SMARCAD1: variants seen among roughly 807,000 people sequenced by gnomAD.
SMARCAD1 encodes SNF2 related chromatin remodeling ATPase with DExD box 1, also known as SWI/SNF-related matrix-associated actin-dependent regulator of chromatin subfamily A containing DEAD/H box 1.
In SMARCAD1, 25 loss-of-function variants were observed where a neutral mutation model predicts 127.1. That is an observed-to-expected ratio of 0.20 (90% CI 0.14 to 0.27). The LOEUF (loss-of-function observed/expected upper bound fraction) is 0.27, where lower values mean the gene tolerates loss of function less well. Ranked by LOEUF, SMARCAD1 falls within the 10% of genes least tolerant of loss-of-function variation. The probability of loss-of-function intolerance (pLI) is 1.00; values close to 1 mark genes in which losing one functional copy is unlikely to be tolerated. For missense variants in SMARCAD1, 807 were observed against 1,206.0 expected (o/e 0.67, Z 4.90); for synonymous variants, 400 against 396.9 (o/e 1.01, Z -0.09).
In SMARCAD1 at chr4:94,252,969, A is replaced by G. The variant is rs1749505465; in HGVS notation, c.1243A>G (p.Ile415Val). The change falls in exon 9 of 24, where the codon ATA becomes GTA. Residue 415 changes from isoleucine (I) to valine (V), a missense_variant. Physicochemically the swap from Ile to Val is conservative, Grantham distance 29. Around this residue, in one of 8 missense-constraint regions of SMARCAD1, gnomAD observed 257 missense variants for 303.4 expected, o/e 0.85. Coordinates refer to ENST00000354268, the MANE Select transcript of SMARCAD1 (RefSeq NM_020159.5). ...PQCSQKKAQKITELRPFNSWE... is the reference protein window; with the variant it reads ...PQCSQKKAQKVTELRPFNSWE... ...GTGTTCTCAGAAAAAGGCTCAGAAG[A>G]TAACAGAACTCCGGCCCTTTAATAG... 1 of 1,613,846 alleles carries G rather than the reference A, an allele frequency of 6.2e-7. No individual in the cohort carries two copies. Among genetic ancestry groups the G allele is most frequent in the Non-Finnish European group, 8.5e-7 (1 of 1,180,010 alleles).
At chr4:94,281,399 T>G in intron 20 of SMARCAD1, 73 bp from the exon 21 acceptor site, 1 of 990,162 alleles carries the variant, frequency 1.0e-6, no homozygotes, top group Non-Finnish European at 1.6e-6. Context: ...CACTTCTAAC[T>G]GTTTAAACCT....
chr4:94,241,951 C>A (rs146105981), intron 6 of SMARCAD1, among the ~76,000 whole-genome samples: 3 of 152,290 alleles, frequency 2.0e-5, no homozygotes, highest in African/African-American at 7.2e-5. Flanking sequence ...TAAAAATTTT[C>A]TCTGCCACGT....
chr4:94,259,277 A>G (rs1201958704), intron 9 of SMARCAD1, among the ~76,000 whole-genome samples: 2 of 152,186 alleles, frequency 1.3e-5, no homozygotes, highest in African/African-American at 4.8e-5. Context: ...AGTTCCTCAG[A>G]TTTTTATTTA....
chr4:94,243,472 G>A (rs1011987455), intron 6 of SMARCAD1, among the ~76,000 whole-genome samples: 8 of 152,228 alleles, frequency 5.3e-5, no homozygotes, highest in Admixed American at 6.5e-5. Flanking sequence ...TCACATAACG[G>A]CTCAAGTCTC....
At position 94,291,035 on chromosome 4, in the gene SMARCAD1, T is replaced by C; in HGVS notation, c.*1501T>C. ...ATTACAGGGCTAAAAGGAGTCTTCATGTGTTAATACTACCTCCTTGTACAT... is the reference window on the plus strand; with the variant it reads ...ATTACAGGGCTAAAAGGAGTCTTCACGTGTTAATACTACCTCCTTGTACAT... On this transcript the variant is annotated 3_prime_UTR_variant, in exon 24 of 24. Transcript: ENST00000354268. The C allele has an allele frequency of 4.6e-6, 2 of 439,002 alleles. No homozygotes were observed. Among genetic ancestry groups the C allele is most frequent in the South Asian group, 3.3e-5 (2 of 60,732 alleles). The allele number at this position is 439,002 out of a possible 1,614,324, so 27.2% of individuals were successfully genotyped here.
At chr4:94,247,777 A>G (rs1333619877) in intron 6 of SMARCAD1, among the ~76,000 whole-genome samples, 1 of 152,182 alleles carries the variant, frequency 6.6e-6, no homozygotes, top group Non-Finnish European at 1.5e-5. Flanking sequence ...GAATTATATA[A>G]TATGTAACCT....
rs1026891724 is a variant in SMARCAD1 at position 94,241,156 on chromosome 4, CTG to C, written c.705+152_705+153del. The C allele has an allele frequency of 3.3e-5, 21 of 638,092 alleles. No individual in the cohort carries two copies. In the African/African-American group the frequency reaches 3.3e-4, roughly 10 times the overall value. 39.5% of individuals were successfully genotyped at this position (638,092 alleles called of 1,614,324 possible). A position where few individuals can be genotyped will look rare whatever the true frequency, so the allele number is the denominator to read the frequency against. ...ATTTACGTCTACATTTAATTTGTGA[CTG>C]TTTTTGCTTTTTAATTTATCCAGTA... is the stretch of plus-strand genomic sequence containing the variant. On this transcript the variant is annotated intron_variant, in intron 6 of 23. Coordinates refer to ENST00000354268, the MANE Select transcript of SMARCAD1 (RefSeq NM_020159.5).
intron 10 of SMARCAD1, among the ~76,000 whole-genome samples, chr4:94,269,396 T>G (rs1039507286): frequency 6.6e-6 from 1 of 152,142 alleles, no homozygotes; most frequent in Non-Finnish European, 1.5e-5. Flanking sequence ...GTAAGGTGTT[T>G]TAGTGAATAT....
At chr4:94,260,034 C>T (rs1335905624) in intron 9 of SMARCAD1, among the ~76,000 whole-genome samples, 1 of 152,098 alleles carries the variant, frequency 6.6e-6, no homozygotes, top group Non-Finnish European at 1.5e-5. Context: ...TCATCCCTCT[C>T]TCTCTCCCCC....
At chr4:94,253,158 GT>G in intron 9 of SMARCAD1, 151 bp downstream of exon 9, 1 of 1,524,666 alleles carries the variant, frequency 6.6e-7, no homozygotes, top group Non-Finnish European at 8.9e-7. Flanking sequence ...TAAGCCAATA[GT>G]ATTTCAAATA....
At chr4:94,244,682 A>G (rs888813652) in intron 6 of SMARCAD1, among the ~76,000 whole-genome samples, 2 of 151,872 alleles carry the variant, frequency 1.3e-5, no homozygotes, top group African/African-American at 4.8e-5. Flanking sequence ...AAATGTATGG[A>G]TGGCTGCCCA....
At chr4:94,223,734 A>ATTTTTT (rs944591007) in intron 2 of SMARCAD1, among the ~76,000 whole-genome samples, 5 of 100,156 alleles carry the variant, frequency 5.0e-5, no homozygotes, top group African/African-American at 1.8e-4. Context: ...CTCCCGGCTA[A>ATTTTTT]TTTTTTTTTT....
chr4:94,236,922 T>C, intron 4 of SMARCAD1, 30 bp from the exon 5 acceptor site: 1 of 1,567,124 alleles, frequency 6.4e-7, no homozygotes, highest in Non-Finnish European at 8.8e-7. Context: ...AGTGCTGATT[T>C]AAAACATTAA....
intron 9 of SMARCAD1, chr4:94,253,324 T>G (rs1166399959): frequency 7.5e-7 from 1 of 1,340,942 alleles, no homozygotes; most frequent in Admixed American, 2.2e-5. Flanking sequence ...TAGGAAGGAG[T>G]TGTTTGCTAG....
chr4:94,229,402 T>C (rs1344793257), intron 3 of SMARCAD1, among the ~76,000 whole-genome samples: 2 of 152,194 alleles, frequency 1.3e-5, no homozygotes, highest in East Asian at 1.9e-4. Flanking sequence ...AATGAAATTA[T>C]AGATGTGTAC....
chr4:94,240,276 G>A (rs1200585299), intron 5 of SMARCAD1, among the ~76,000 whole-genome samples: 1 of 152,192 alleles, frequency 6.6e-6, no homozygotes, highest in Non-Finnish European at 1.5e-5. Context: ...AGTAGCATAT[G>A]TAGCTCTAGT....
Position 94,264,807 on chromosome 4 carries a change from A to C in SMARCAD1, c.1382A>C (p.Lys461Thr). The change falls in exon 10 of 24, where the codon AAA (lysine) becomes ACA (threonine). Residue 461 changes from lysine to threonine, a missense_variant. By Grantham distance (78) the Lys-to-Thr change is moderately conservative (BLOSUM62 -1). This residue lies in a region of SMARCAD1 where 257 missense variants were observed against 303.4 expected (regional missense o/e 0.85). Coordinates refer to ENST00000354268, the MANE Select transcript of SMARCAD1 (RefSeq NM_020159.5). ...GATGTAGTTATAAGGCTTATGAACA[A>C]ATGTGAAGACATTTCAAATAAATTG... is the stretch of plus-strand genomic sequence containing the variant. ...ERDVVIRLMN[K>T]CEDISNKLTK... 6.2e-7 allele frequency: 1 copy of C among 1,613,152 alleles called. No homozygotes were observed. Among genetic ancestry groups the C allele is most frequent in the Non-Finnish European group, 8.5e-7 (1 of 1,179,350 alleles).
chr4:94,281,018 C>G (rs1753937197), intron 20 of SMARCAD1, among the ~76,000 whole-genome samples: 1 of 152,104 alleles, frequency 6.6e-6, no homozygotes, highest in African/African-American at 2.4e-5. Context: ...TTAAAAAAAT[C>G]TTAATTGTCA....
chr4:94,256,276 A>G (rs991050496), intron 9 of SMARCAD1, among the ~76,000 whole-genome samples: 1 of 151,946 alleles, frequency 6.6e-6, no homozygotes, highest in South Asian at 2.1e-4. Context: ...CTGATAACCA[A>G]GCAACTCAGG....
Sources: gnomAD v4.1 joint callset for allele counts (sites outside exome capture counted in the v4.1 genomes callset) on GRCh38, gnomAD v4.1.1 for gene constraint, gnomAD v4.1.1 regional missense constraint, MANE v1.5 for transcripts, NCBI Gene and HGNC (gene_info 2026-07-23, HGNC 2026-07-21) for gene names.